PDE7B: variants seen among roughly 807,000 people sequenced by gnomAD.
The protein encoded by PDE7B is 3',5'-cyclic-AMP phosphodiesterase 7B.
PDE7B carries 29 observed loss-of-function variants against 56.2 expected under a neutral mutation model. The observed-to-expected ratio is 0.52, with a 90% CI of 0.38 to 0.70. PDE7B has a LOEUF of 0.70. Among genes scored for constraint, PDE7B ranks in the 30% least tolerant of loss-of-function variants. The probability of loss-of-function intolerance (pLI) is 0.00; values close to 1 mark genes in which losing one functional copy is unlikely to be tolerated. For missense variants in PDE7B, 490 were observed against 565.0 expected (o/e 0.87, Z 1.35); for synonymous variants, 197 against 196.9 (o/e 1.00, Z 0.00).
chr6:135,964,374 G>A (rs988161981), intron 2 of PDE7B, among the ~76,000 whole-genome samples: 3 of 152,080 alleles, frequency 2.0e-5, no homozygotes, highest in African/African-American at 4.8e-5. Flanking sequence ...TGAAGTGCTG[G>A]GATTAGAGGC....
intron 3 of PDE7B, among the ~76,000 whole-genome samples, chr6:136,119,618 A>C (rs772493193): frequency 6.6e-6 from 1 of 152,246 alleles, no homozygotes; most frequent in East Asian, 1.9e-4. Context: ...GCACAAAATC[A>C]AAGTTCTTAT....
At chr6:135,981,283 G>T (rs1775290670) in intron 2 of PDE7B, among the ~76,000 whole-genome samples, 1 of 113,806 alleles carries the variant, frequency 8.8e-6, no homozygotes, top group Non-Finnish European at 1.7e-5. Flanking sequence ...GGGGACTGTT[G>T]TGGGGTGGGG....
rs17065253 is a variant in PDE7B at position 136,051,616 on chromosome 6, T to C, written c.83-57115T>C. Among the ~76,000 whole-genome samples, 356 of 152,298 alleles carry C rather than the reference T, an allele frequency of 2.3e-3. 15 individuals are homozygous for C. In the East Asian group the frequency reaches 0.066, roughly 28 times the overall value. On this transcript the variant is annotated intron_variant, in intron 2 of 12. Coordinates refer to ENST00000308191, the MANE Select transcript of PDE7B (RefSeq NM_018945.4). ...TGCTGGATGCATTGTAAACCCTGGA[T>C]GGGGCCGAGTGTTAATAAAACAAAG...
intron 3 of PDE7B, among the ~76,000 whole-genome samples, chr6:136,116,791 C>T (rs145484420): frequency 6.6e-6 from 1 of 152,324 alleles, no homozygotes; most frequent in African/African-American, 2.4e-5. Context: ...CATTCATGAG[C>T]CATCTGGCCA....
At chr6:135,941,321 T>G (rs1030192535) in intron 1 of PDE7B, among the ~76,000 whole-genome samples, 6 of 152,272 alleles carry the variant, frequency 3.9e-5, no homozygotes, top group Non-Finnish European at 8.8e-5. Context: ...TTGATTTTGT[T>G]TTAACATGCT....
intron 2 of PDE7B, among the ~76,000 whole-genome samples, chr6:136,022,641 T>C (rs1276473947): frequency 6.6e-6 from 1 of 152,242 alleles, no homozygotes; most frequent in African/African-American, 2.4e-5. Context: ...AAGAGCCAGA[T>C]TGATTCCTTT....
chr6:136,105,293 C>G (rs965876351), intron 2 of PDE7B, among the ~76,000 whole-genome samples: 1 of 152,174 alleles, frequency 6.6e-6, no homozygotes. Context: ...TCAAAGCATA[C>G]ATTACGTAAG....
intron 10 of PDE7B, among the ~76,000 whole-genome samples, chr6:136,179,381 G>A (rs763425961): frequency 1.3e-5 from 2 of 152,052 alleles, no homozygotes; most frequent in Admixed American, 1.3e-4. Context: ...TCCACTCAGG[G>A]CCATGATCAA....
chr6:136,066,118 G>A (rs999787613), intron 2 of PDE7B, among the ~76,000 whole-genome samples: 5 of 152,170 alleles, frequency 3.3e-5, no homozygotes, highest in African/African-American at 1.2e-4. Flanking sequence ...TGACTTAATA[G>A]CAGTTCAGAA....
chr6:136,065,443 A>T (rs1776917251), intron 2 of PDE7B, among the ~76,000 whole-genome samples: 1 of 152,172 alleles, frequency 6.6e-6, no homozygotes, highest in Non-Finnish European at 1.5e-5. Context: ...ATAAACTTCT[A>T]TTGTAGTTAA....
At chr6:136,167,675 T>C (rs1489031898) in intron 8 of PDE7B, among the ~76,000 whole-genome samples, 3 of 152,216 alleles carry the variant, frequency 2.0e-5, no homozygotes, top group African/African-American at 7.2e-5. Flanking sequence ...GTTTCTTGTC[T>C]GTTTTGTTCA....
intron 8 of PDE7B, among the ~76,000 whole-genome samples, chr6:136,167,191 A>G (rs139218935): frequency 5.9e-5 from 9 of 152,250 alleles, no homozygotes; most frequent in African/African-American, 1.4e-4. Flanking sequence ...GATGCCCACT[A>G]TTCTGCTCTT....
At chr6:136,047,412 A>C (rs546644830) in intron 2 of PDE7B, 1 of 152,354 alleles carries the variant, frequency 6.6e-6, no homozygotes, top group South Asian at 2.1e-4. Flanking sequence ...CAGGTCTGAT[A>C]CATTTTCACT....
rs9494454 is a variant in PDE7B at position 136,141,690 on chromosome 6, C to T, written c.167-5661C>T. ...AGATTCAACTTCTTCCTGGTTTAGT[C>T]TTGAGAGGGTGTATGTGTCGAGGAA... On this transcript the variant is annotated intron_variant, in intron 3 of 12. Coordinates refer to ENST00000308191, the MANE Select transcript of PDE7B (RefSeq NM_018945.4). 7.6e-4 allele frequency among the ~76,000 whole-genome samples: 116 copies of T among 152,232 alleles called. 1 individual carries two copies. Among genetic ancestry groups the T allele is most frequent in the African/African-American group, 2.7e-3 (113 of 41,544 alleles).
chr6:135,877,671 C>T (rs994487004), intron 1 of PDE7B, among the ~76,000 whole-genome samples: 7 of 151,146 alleles, frequency 4.6e-5, no homozygotes, highest in African/African-American at 7.3e-5. Context: ...AGATTTGGTT[C>T]GCTCAGAAGC....
intron 2 of PDE7B, among the ~76,000 whole-genome samples, chr6:136,052,617 G>GGCCCCCCCCC (rs1776650085): frequency 7.0e-6 from 1 of 142,794 alleles, no homozygotes; most frequent in Non-Finnish European, 1.5e-5. Flanking sequence ...TTAGGGTACA[G>GGCCCCCCCCC]CCCCCCCCCA....
intron 2 of PDE7B, among the ~76,000 whole-genome samples, chr6:136,000,829 A>G (rs1036059534): frequency 1.3e-5 from 2 of 152,234 alleles, no homozygotes; most frequent in Non-Finnish European, 1.5e-5. Flanking sequence ...CCTGTCTGAC[A>G]GCTTTAAAGA....
At chr6:136,177,030 CAAA>C (rs974631041) in intron 9 of PDE7B, among the ~76,000 whole-genome samples, 2 of 150,974 alleles carry the variant, frequency 1.3e-5, no homozygotes, top group African/African-American at 2.4e-5. Flanking sequence ...GGCTTAAAAA[CAAA>C]AATGTTTGTG....
At chr6:135,868,300 C>A (rs1775302649) in intron 1 of PDE7B, among the ~76,000 whole-genome samples, 1 of 152,116 alleles carries the variant, frequency 6.6e-6, no homozygotes, top group Admixed American at 6.5e-5. Context: ...CAGGTAGATG[C>A]CAGCATGGCC....
Sources: gnomAD v4.1 joint callset for allele counts (sites outside exome capture counted in the v4.1 genomes callset) on GRCh38, gnomAD v4.1.1 for gene constraint, MANE v1.5 for transcripts, NCBI Gene and HGNC (gene_info 2026-07-23, HGNC 2026-07-21) for gene names.